Variants in CSNK1E observed in about 807,000 individuals in gnomAD.
CSNK1E encodes the protein casein kinase 1 epsilon, also known as casein kinase I isoform epsilon.
In CSNK1E, 17 loss-of-function variants were observed where a neutral mutation model predicts 46.1. The ratio of observed to expected loss-of-function variants is 0.37; its 90% CI spans 0.25 to 0.55. The LOEUF (loss-of-function observed/expected upper bound fraction) is 0.55. Ranked by LOEUF, CSNK1E falls within the 20% of genes least tolerant of loss-of-function variation. CSNK1E has a pLI of 0.82. For synonymous variants in CSNK1E, 241 were observed against 242.6 expected (o/e 0.99, Z 0.06); for missense variants, 386 against 595.4 (o/e 0.65, Z 3.66).
Position 38,294,101 on chromosome 22 carries a change from C to G in CSNK1E, c.1218+8G>C, listed in dbSNP as rs1444662201. On this transcript the variant is annotated splice_region_variant and intron_variant, in intron 9 of 10. Coordinates refer to ENST00000396832, the MANE Select transcript of CSNK1E (RefSeq NM_152221.3). The surrounding 1 kb of genome is among the most constrained non-coding windows in gnomAD (Gnocchi z 5.5). The stretch of plus-strand genomic sequence containing the variant: ...AGGCCCAGAGGGACTGGCAGGGGGG[C>G]AGCTCACCTGTGAGGCTGGGATCCG... The G allele has an allele frequency of 3.7e-6, 6 of 1,607,196 alleles. No homozygotes were observed. Among genetic ancestry groups the G allele is most frequent in the Non-Finnish European group, 5.1e-6 (6 of 1,179,096 alleles).
At chr22:38,305,452 T>C (rs1418334816) in intron 2 of CSNK1E, among the ~76,000 whole-genome samples, 4 of 93,970 alleles carry the variant, frequency 4.3e-5, no homozygotes, top group Non-Finnish European at 8.0e-5. Context: ...AAAAAAAAGC[T>C]CCTTCCTCTC....
intron 1 of CSNK1E, among the ~76,000 whole-genome samples, chr22:38,315,882 A>G (rs2092742941): frequency 6.6e-6 from 1 of 152,082 alleles, no homozygotes; most frequent in Non-Finnish European, 1.5e-5. Context: ...CTGTCTGCAG[A>G]GAACGAGAGC....
At chr22:38,302,778 T>TGGCATCCTCTGGGGGCAGA in intron 4 of CSNK1E, 83 bp downstream of exon 4, 1 of 1,537,820 alleles carries the variant, frequency 6.5e-7, no homozygotes, top group South Asian at 1.2e-5. Context: ...GCCCATCCTC[T>TGGCATCCTCTGGGGGCAGA]GGCATCCTCT....
In CSNK1E at chr22:38,300,132, G is replaced by A; in HGVS notation, c.566-67C>T. On this transcript the variant is annotated intron_variant, in intron 5 of 10. Transcript: ENST00000396832. The surrounding 1 kb of genome is among the most constrained non-coding windows in gnomAD (Gnocchi z 4.4). ...CTCAGGCCCCTAACTCATCCTCTGGGTCATGCTCCTCACAATGCACCAGGA... is the reference window on the plus strand; with the variant it reads ...CTCAGGCCCCTAACTCATCCTCTGGATCATGCTCCTCACAATGCACCAGGA... 6.7e-7 allele frequency: 1 copy of A among 1,498,360 alleles called. No homozygotes were observed. Among genetic ancestry groups the A allele is most frequent in the Non-Finnish European group, 9.1e-7 (1 of 1,096,828 alleles). 92.8% of individuals were successfully genotyped at this position (1,498,360 alleles called of 1,614,324 possible). A position where few individuals can be genotyped will look rare whatever the true frequency, so the allele number is the denominator to read the frequency against.
Position 38,298,266 on chromosome 22 carries a change from GC to G in CSNK1E, c.885+519del, listed in dbSNP as rs1397158899. On this transcript the variant is annotated intron_variant, in intron 7 of 10. Coordinates refer to ENST00000396832, the MANE Select transcript of CSNK1E (RefSeq NM_152221.3). The surrounding 1 kb of genome is among the most constrained non-coding windows in gnomAD (Gnocchi z 4.2). Reference sequence around the variant, plus strand: ...CACAGATTCCAGAGCTCTGGGTACGGCCGGCCAATGCTGCTCCCCACCCAAC... The same window carrying G: ...CACAGATTCCAGAGCTCTGGGTACGGCGGCCAATGCTGCTCCCCACCCAAC... 10 of 1,226,414 alleles carry G rather than the reference GC, an allele frequency of 8.2e-6. No homozygotes were observed. The highest frequency in any genetic ancestry group is 3.2e-4 in the Middle Eastern group (1 of 3,162). 76.0% of individuals were successfully genotyped at this position (1,226,414 alleles called of 1,614,324 possible).
In CSNK1E at chr22:38,298,834, C is replaced by A; in HGVS notation, c.837G>T (p.Arg279=). Residue 279 remains arginine (R), a synonymous_variant, in exon 7 of 11, where the codon CGG becomes CGT. Transcript: ENST00000396832. The surrounding 1 kb of genome is among the most constrained non-coding windows in gnomAD (Gnocchi z 4.2). ...LRQLFRNLFH[R]QGFSYDYVFD... is the part of the protein sequence containing the mutation. The stretch of plus-strand genomic sequence containing the variant: ...AGACGTAGTCATAGGAGAAGCCCTG[C>A]CGGTGGAAGAGGTTGCGGAAGAGCT... The A allele has an allele frequency of 1.2e-6, 2 of 1,614,188 alleles. No homozygotes were observed. Among genetic ancestry groups the A allele is most frequent in the South Asian group, 2.2e-5 (2 of 91,074 alleles).
In CSNK1E at chr22:38,303,254, C is replaced by T; in HGVS notation, c.77-6G>A. ...ACCAGAGGCGATGTTGGCACCTGCC[C>T]GGGGCAGGGAGGCAAGGGACCAGGG... is the stretch of plus-strand genomic sequence containing the variant. On this transcript the variant is annotated splice_polypyrimidine_tract_variant and splice_region_variant and intron_variant, in intron 2 of 10. Transcript: ENST00000396832. The surrounding 1 kb of genome is among the most constrained non-coding windows in gnomAD (Gnocchi z 4.7). 2 of 1,594,692 alleles carry T rather than the reference C, an allele frequency of 1.3e-6. No individual in the cohort carries two copies. The highest frequency in any genetic ancestry group is 8.5e-7 in the Non-Finnish European group (1 of 1,171,572).
Position 38,294,379 on chromosome 22 carries a change from G to C in CSNK1E, c.1041C>G (p.Pro347=). ...TGCGGGAGGCTGGCGTGGAAGCCAC[G>C]GGCTCGGCGGCACTGCGGAGCCGGT... is the stretch of plus-strand genomic sequence containing the variant. ...TANRLRSAAE[P]VASTPASRIQ... Residue 347 remains proline (P), a synonymous_variant, in exon 8 of 11, where the codon CCC becomes CCG. Transcript: ENST00000396832. This position sits in a 1 kb window ranked among gnomAD's most constrained non-coding sequence, Gnocchi z 5.5. 1 of 1,557,124 alleles carries C rather than the reference G, an allele frequency of 6.4e-7. No individual in the cohort carries two copies. Among genetic ancestry groups the C allele is most frequent in the Middle Eastern group, 1.8e-4 (1 of 5,710 alleles).
chr22:38,294,410 G>C lies in CSNK1E; in HGVS notation c.1010C>G (p.Thr337Ser). The C allele has an allele frequency of 6.4e-7, 1 of 1,557,618 alleles. No individual in the cohort carries two copies. The highest frequency in any genetic ancestry group is 8.7e-7 in the Non-Finnish European group (1 of 1,153,682). Residue 337 changes from threonine to serine, a missense_variant, in exon 8 of 11, where the codon ACT (threonine) becomes AGT (serine). Thr to Ser is a moderately conservative substitution (Grantham distance 58). This residue lies in a region of CSNK1E where 174 missense variants were observed against 185.2 expected (regional missense o/e 0.94). Transcript: ENST00000396832. The surrounding 1 kb of genome is among the most constrained non-coding windows in gnomAD (Gnocchi z 5.5). ...GGCGGCACTGCGGAGCCGGTTGGCA[G>C]TGGCCCCCGTGGGTGGGCCAGGGGG... ...ALPPGPPTGA[T>S]ANRLRSAAEP...
rs777434333 is a variant in CSNK1E, at chr22:38,294,435, G to A, written c.985C>T (p.Pro329Ser). The stretch of plus-strand genomic sequence containing the variant: ...GTGGCCCCCGTGGGTGGGCCAGGGG[G>A]CAGGGCTCGGGTCGCGGACCCCCGT... ...QLRGSATRALPPGPPTGATAN... is the reference protein window; with the variant it reads ...QLRGSATRALSPGPPTGATAN... The change falls in exon 8 of 11, where the codon CCC becomes TCC. Residue 329 changes from proline to serine, a missense_variant. Pro to Ser is a moderately conservative substitution (Grantham distance 74, BLOSUM62 -1). This residue lies in a region of CSNK1E where 174 missense variants were observed against 185.2 expected (regional missense o/e 0.94). Transcript: ENST00000396832. This position sits in a 1 kb window ranked among gnomAD's most constrained non-coding sequence, Gnocchi z 5.5. 1.3e-6 allele frequency: 2 copies of A among 1,566,902 alleles called. No individual in the cohort carries two copies. The highest frequency in any genetic ancestry group is 1.2e-5 in the South Asian group (1 of 86,062).
chr22:38,293,161 A>G (rs1359586766), intron 10 of CSNK1E, 94 bp downstream of exon 10: 6 of 1,017,418 alleles, frequency 5.9e-6, no homozygotes, highest in Non-Finnish European at 9.3e-6. Flanking sequence ...TGCCACTGCC[A>G]CCCACCCCTC....
intron 2 of CSNK1E, among the ~76,000 whole-genome samples, 185 bp downstream of exon 2, chr22:38,313,897 C>G (rs1036799568): frequency 1.3e-5 from 2 of 152,164 alleles, no homozygotes; most frequent in South Asian, 2.1e-4. Context: ...GCCTGGCCTG[C>G]GAGAGGAGCC....
rs577074271 is a variant in CSNK1E at position 38,295,198 on chromosome 22, G to A, written c.886-664C>T. ...CTGCCTTGGGACAGAAGCTCAAGGG[G>A]AGCTGGAGAAGAAAATGGGGCCACG... On this transcript the variant is annotated intron_variant, in intron 7 of 10. Transcript: ENST00000396832. Among the ~76,000 whole-genome samples the A allele has an allele frequency of 3.9e-5, 6 of 152,332 alleles. No homozygotes were observed. In the South Asian group the frequency reaches 1.2e-3, roughly 32 times the overall value.
Position 38,294,231 on chromosome 22 carries a change from C to T in CSNK1E, c.1096G>A (p.Ala366Thr). ...CTCTCCCGGTCGACCCGCGAGATCG[C>T]TCTGGGAGAAGTATTGCCTGGAGGG... ...IQPAGNTSPR[A>T]ISRVDRERKV... is the part of the protein sequence containing the mutation. Residue 366 changes from alanine to threonine, a missense_variant, in exon 9 of 11, where the codon GCG (alanine) becomes ACG (threonine). By Grantham distance (58) the Ala-to-Thr change is moderately conservative. This residue lies in a region of CSNK1E where 174 missense variants were observed against 185.2 expected (regional missense o/e 0.94). Coordinates refer to ENST00000396832, the MANE Select transcript of CSNK1E (RefSeq NM_152221.3). The surrounding 1 kb of genome is among the most constrained non-coding windows in gnomAD (Gnocchi z 5.5). The T allele has an allele frequency of 6.2e-7, 1 of 1,612,574 alleles. No homozygotes were observed. Among genetic ancestry groups the T allele is most frequent in the Non-Finnish European group, 8.5e-7 (1 of 1,179,946 alleles).
At chr22:38,316,206 G>A (rs914259058) in intron 1 of CSNK1E, among the ~76,000 whole-genome samples, 3 of 152,176 alleles carry the variant, frequency 2.0e-5, no homozygotes, top group African/African-American at 7.2e-5. Context: ...CATGGCACAC[G>A]GGCAGTGCTT....
At position 38,294,765 on chromosome 22, in the gene CSNK1E, G is replaced by A. The variant is rs1169633871; in HGVS notation, c.886-231C>T. Among the ~76,000 whole-genome samples, 1 of 152,216 alleles carries A rather than the reference G, an allele frequency of 6.6e-6. No homozygotes were observed. Among genetic ancestry groups the A allele is most frequent in the Non-Finnish European group, 1.5e-5 (1 of 68,028 alleles). On this transcript the variant is annotated intron_variant, in intron 7 of 10. Coordinates refer to ENST00000396832, the MANE Select transcript of CSNK1E (RefSeq NM_152221.3). The surrounding 1 kb of genome is among the most constrained non-coding windows in gnomAD (Gnocchi z 5.5). Reference sequence around the variant, plus strand: ...GAAAGCAGGAGTCTGGGGGCAGAGGGAGGTCAGTCTGCCCTGCTCTCCTGG... The same window carrying A: ...GAAAGCAGGAGTCTGGGGGCAGAGGAAGGTCAGTCTGCCCTGCTCTCCTGG...
chr22:38,303,372 C>A lies in CSNK1E; in HGVS notation c.77-124G>T. 1 of 788,988 alleles carries A rather than the reference C, an allele frequency of 1.3e-6. No homozygotes were observed. Among genetic ancestry groups the A allele is most frequent in the Non-Finnish European group, 2.0e-6 (1 of 507,492 alleles). The allele number at this position is 788,988 out of a possible 1,614,324, so 48.9% of individuals were successfully genotyped here. On this transcript the variant is annotated intron_variant, in intron 2 of 10. Transcript: ENST00000396832. This position sits in a 1 kb window ranked among gnomAD's most constrained non-coding sequence, Gnocchi z 4.7. ...CCCGGGGCCATCTGCCCTTGAGGAGCTCTTGGGGGAGGCTGGGAAGGGGGC... is the reference window on the plus strand; with the variant it reads ...CCCGGGGCCATCTGCCCTTGAGGAGATCTTGGGGGAGGCTGGGAAGGGGGC...
In CSNK1E at chr22:38,307,253, A is replaced by G. The variant is rs2092702539; in HGVS notation, c.77-4005T>C. Among the ~76,000 whole-genome samples, 7 of 152,326 alleles carry G rather than the reference A, an allele frequency of 4.6e-5. No individual in the cohort carries two copies. The South Asian group carries it at 1.5e-3, about 32-fold the overall frequency. On this transcript the variant is annotated intron_variant, in intron 2 of 10. Coordinates refer to ENST00000396832, the MANE Select transcript of CSNK1E (RefSeq NM_152221.3). ...TAGCATTTACATTGTATTAGGTATT[A>G]TAAGTGATCTAGAGATGATTTAAAG... is the stretch of plus-strand genomic sequence containing the variant.
At position 38,300,791 on chromosome 22, in the gene CSNK1E, G is replaced by C; in HGVS notation, c.498C>G (p.Pro166=). The change falls in exon 5 of 11, where the codon CCC becomes CCG. Residue 166 remains proline, a synonymous_variant. Transcript: ENST00000396832. The surrounding 1 kb of genome is among the most constrained non-coding windows in gnomAD (Gnocchi z 4.4). ...YRDARTHQHI[P]YRENKNLTGT... ...CGGTCAGGTTCTTGTTTTCCCGGTA[G>C]GGAATGTGCTGGTGGGTGCGGGCGT... 1 of 1,614,260 alleles carries C rather than the reference G, an allele frequency of 6.2e-7. No homozygotes were observed. The highest frequency in any genetic ancestry group is 8.5e-7 in the Non-Finnish European group (1 of 1,180,048).
Sources: allele counts gnomAD v4.1 joint callset (sites outside exome capture counted in the v4.1 genomes callset), GRCh38; gene constraint gnomAD v4.1.1; regional missense constraint gnomAD v4.1.1; non-coding constraint Gnocchi (gnomAD v3.1); transcripts MANE v1.5; gene names NCBI Gene and HGNC (gene_info 2026-07-23, HGNC 2026-07-21).